The following INAVA variants were observed in gnomAD, a reference collection of about 807,000 sequenced individuals.
The protein encoded by INAVA is innate immunity activator protein.
In INAVA, 32 loss-of-function variants were observed where a neutral mutation model predicts 55.3. That is an observed-to-expected ratio of 0.58 (90% CI 0.44 to 0.78). The LOEUF (loss-of-function observed/expected upper bound fraction) is 0.78, where lower values mean the gene tolerates loss of function less well. Among genes scored for constraint, INAVA ranks in the 30% least tolerant of loss-of-function variants. The probability of loss-of-function intolerance (pLI) is 0.00; values close to 1 mark genes in which losing one functional copy is unlikely to be tolerated. For synonymous variants in INAVA, 294 were observed against 329.4 expected, an observed-to-expected ratio of 0.89 and a Z score of 1.16; for missense variants, 756 against 786.4, an observed-to-expected ratio of 0.96 and a Z score of 0.46.
chr1:200,905,295 C>T (rs569728206), intron 5 of INAVA, among the ~76,000 whole-genome samples: 201 of 152,274 alleles, frequency 1.3e-3, no homozygotes, highest in African/African-American at 4.8e-3. Flanking sequence ...CTTGTAATCC[C>T]AGCACTTTGG....
rs562833243 is a variant in INAVA, at chr1:200,909,466, C to A, written c.959+69C>A. 3 of 1,346,942 alleles carry A rather than the reference C, an allele frequency of 2.2e-6. No individual in the cohort carries two copies. The East Asian group carries it at 8.4e-5, about 38-fold the overall frequency. The allele number at this position is 1,346,942 out of a possible 1,614,324, so 83.4% of individuals were successfully genotyped here. ...CTTATCGTTGGAGGGTGGGAGCTCC[C>A]AGGACACAGGTGGGACAACCCTGGG... On this transcript the variant is annotated intron_variant, in intron 8 of 9. Transcript: ENST00000413687.
intron 8 of INAVA, among the ~76,000 whole-genome samples, chr1:200,910,592 T>C (rs1367437816): frequency 6.6e-6 from 1 of 152,124 alleles, no homozygotes; most frequent in Non-Finnish European, 1.5e-5. Context: ...AATTTTTAAA[T>C]TTTTTTTGAG....
intron 5 of INAVA, among the ~76,000 whole-genome samples, chr1:200,901,896 C>T (rs986409661): frequency 2.6e-5 from 4 of 152,168 alleles, no homozygotes; most frequent in Admixed American, 6.5e-5. Flanking sequence ...TCAGTGTGTC[C>T]ACCACAGGTT....
In INAVA at chr1:200,909,351, G is replaced by A. The variant is rs755384688; in HGVS notation, c.913G>A (p.Ala305Thr). The A allele has an allele frequency of 6.2e-7, 1 of 1,610,104 alleles. No individual in the cohort carries two copies. The highest frequency in any genetic ancestry group is 8.5e-7 in the Non-Finnish European group (1 of 1,177,990). ...GTGGCAGGGCCGCACCAGTGCCCCA[G>A]CCACCCCTGAGATACAGGGGAGGAG... is the stretch of plus-strand genomic sequence containing the variant. ...GQWQGRTSAP[A>T]TPEIQGRRGQ... Residue 305 changes from alanine (A) to threonine (T), a missense_variant, in exon 8 of 10, where the codon GCC (alanine) becomes ACC (threonine). Physicochemically the swap from Ala to Thr is moderately conservative, Grantham distance 58. Around this residue, in one of 2 missense-constraint regions of INAVA, gnomAD observed 639 missense variants for 624.3 expected, o/e 1.02. Transcript: ENST00000413687.
Position 200,912,002 on chromosome 1 carries a change from G to A in INAVA, c.1509G>A (p.Glu503=), listed in dbSNP as rs1653765844. ...RGLSKAAVSE[E]LKWWHERARL... ...TCAGCAAGGCCGCCGTGTCCGAGGAGCTCAAGTGGTGGCACGAGCGTGCAC... is the reference window on the plus strand; with the variant it reads ...TCAGCAAGGCCGCCGTGTCCGAGGAACTCAAGTGGTGGCACGAGCGTGCAC... The change falls in exon 9 of 10, where the codon GAG becomes GAA. Residue 503 remains glutamate, a synonymous_variant. Coordinates refer to ENST00000413687, the MANE Select transcript of INAVA (RefSeq NM_001142569.3). 6.5e-7 allele frequency: 1 copy of A among 1,535,320 alleles called. No homozygotes were observed. The highest frequency in any genetic ancestry group is 8.7e-7 in the Non-Finnish European group (1 of 1,144,228).
In INAVA at chr1:200,908,956, A is replaced by G. The variant is rs1653606863; in HGVS notation, c.785+16A>G. ...GCGAGTCCAGGTCAGGATCAGGGGG[A>G]AGGGAGAAGGGCAGGGCAGGGCAGG... On this transcript the variant is annotated intron_variant, in intron 7 of 9. Transcript: ENST00000413687. 6.2e-7 allele frequency: 1 copy of G among 1,606,796 alleles called. No homozygotes were observed. Among genetic ancestry groups the G allele is most frequent in the Non-Finnish European group, 8.5e-7 (1 of 1,176,542 alleles).
At position 200,913,208 on chromosome 1, in the gene INAVA, G is replaced by A. The variant is rs144985148; in HGVS notation, c.1645-329G>A. On this transcript the variant is annotated intron_variant, in intron 9 of 9. Transcript: ENST00000413687. ...CTGACGTGCTTTTCCCTTTCTGCGC[G>A]CTTGGGCCTGTCCTTGGCTGGATAG... Among the ~76,000 whole-genome samples the A allele has an allele frequency of 9.8e-4, 150 of 152,318 alleles. 1 individual carries two copies. Among genetic ancestry groups the A allele is most frequent in the Non-Finnish European group, 4.6e-4 (31 of 68,030 alleles).
intron 1 of INAVA, 58 bp from the exon 2 acceptor site, chr1:200,898,249 T>G: frequency 6.4e-7 from 1 of 1,569,044 alleles, no homozygotes; most frequent in Non-Finnish European, 8.6e-7. Context: ...TTCAGCTTTT[T>G]GTAACCAAGA....
intron 5 of INAVA, among the ~76,000 whole-genome samples, chr1:200,901,494 C>T (rs1025062947): frequency 1.3e-5 from 2 of 152,236 alleles, no homozygotes; most frequent in African/African-American, 2.4e-5. Flanking sequence ...CCAGGCTGGC[C>T]CCGCTGCCCT....
chr1:200,907,825 C>T lies in INAVA; in HGVS notation c.521-9C>T. 1 of 1,608,914 alleles carries T rather than the reference C, an allele frequency of 6.2e-7. No homozygotes were observed. The highest frequency in any genetic ancestry group is 8.5e-7 in the Non-Finnish European group (1 of 1,175,650). On this transcript the variant is annotated splice_polypyrimidine_tract_variant and intron_variant, in intron 5 of 9. Coordinates refer to ENST00000413687, the MANE Select transcript of INAVA (RefSeq NM_001142569.3). The stretch of plus-strand genomic sequence containing the variant: ...CTTCCTTCTCTTCTCTCCCCTTTGT[C>T]TTTCGCAGAGCTCAGTGCCTCTGAT...
rs1303172030 is a variant in INAVA at position 200,915,456 on chromosome 1, G to C, written c.*1827G>C. The C allele has an allele frequency of 6.8e-6, 1 of 147,914 alleles. No homozygotes were observed. The highest frequency in any genetic ancestry group is 1.5e-5 in the Non-Finnish European group (1 of 67,140). 9.2% of individuals were successfully genotyped at this position (147,914 alleles called of 1,614,324 possible). ...CCCCCATGCGTGAATACCCTGCTTG[G>C]ATGCTGTGCTTTTCCGGTTTGTCTC... On this transcript the variant is annotated 3_prime_UTR_variant, in exon 10 of 10. Coordinates refer to ENST00000413687, the MANE Select transcript of INAVA (RefSeq NM_001142569.3).
intron 6 of INAVA, 54 bp from the exon 7 acceptor site, chr1:200,908,676 G>C (rs2102313194): frequency 6.9e-7 from 1 of 1,458,416 alleles, no homozygotes; most frequent in Non-Finnish European, 9.2e-7. Context: ...GGAGGTTCTT[G>C]TTGGGCCGGT....
At position 200,900,171 on chromosome 1, in the gene INAVA, G is replaced by A. The variant is rs1189215696; in HGVS notation, c.248G>A (p.Arg83His). ...KPGEKAPKVRRRIGAAYKLDD... is the reference protein window; with the variant it reads ...KPGEKAPKVRHRIGAAYKLDD... ...GGGGAAAAGGCCCCCAAGGTTCGCC[G>A]CAGGATCGGAGCGGCTTACAAACTG... is the stretch of plus-strand genomic sequence containing the variant. Residue 83 changes from arginine (R) to histidine (H), a missense_variant, in exon 4 of 10, where the codon CGC becomes CAC. This residue lies in a region of INAVA where 639 missense variants were observed against 624.3 expected (regional missense o/e 1.02). Transcript: ENST00000413687. The A allele has an allele frequency of 1.5e-5, 24 of 1,614,036 alleles. No homozygotes were observed. Among genetic ancestry groups the A allele is most frequent in the Middle Eastern group, 1.6e-4 (1 of 6,082 alleles).
At chr1:200,902,085 G>T (rs953550657) in intron 5 of INAVA, among the ~76,000 whole-genome samples, 1 of 152,164 alleles carries the variant, frequency 6.6e-6, no homozygotes, top group Non-Finnish European at 1.5e-5. Context: ...GGCTGCCTCA[G>T]AGGGAACCGG....
In INAVA at chr1:200,894,938, G is replaced by A. The variant is rs1482555676; in HGVS notation, c.-244G>A. On this transcript the variant is annotated 5_prime_UTR_variant, in exon 1 of 10. Coordinates refer to ENST00000413687, the MANE Select transcript of INAVA (RefSeq NM_001142569.3). ...GGACGGCAAGGTAGGCAGGTGAGCCGAGACGGACGGACGGCCAGCAGCTCC... is the reference window on the plus strand; with the variant it reads ...GGACGGCAAGGTAGGCAGGTGAGCCAAGACGGACGGACGGCCAGCAGCTCC... 8.1e-6 allele frequency: 8 copies of A among 985,798 alleles called. No individual in the cohort carries two copies. Among genetic ancestry groups the A allele is most frequent in the East Asian group, 1.1e-4 (1 of 8,906 alleles). 61.1% of individuals were successfully genotyped at this position (985,798 alleles called of 1,614,324 possible).
chr1:200,900,068 T>C lies in INAVA; in HGVS notation c.181-36T>C, dbSNP rs755692764. On this transcript the variant is annotated intron_variant, in intron 3 of 9. Transcript: ENST00000413687. ...GGCCAGTGAGCCAAGTCTGGGCAGG[T>C]GGAGAGGACCTGGCTGGTCTCTGCT... 6 of 1,559,734 alleles carry C rather than the reference T, an allele frequency of 3.8e-6. No individual in the cohort carries two copies. The South Asian group carries it at 6.9e-5, about 18-fold the overall frequency.
chr1:200,900,798 A>G, intron 4 of INAVA, 139 bp from the exon 5 acceptor site: 1 of 608,176 alleles, frequency 1.6e-6, no homozygotes, highest in East Asian at 3.0e-5. Flanking sequence ...ACGTCCGTCC[A>G]TTGGTGCTGC....
chr1:200,910,075 A>C (rs1028322767), intron 8 of INAVA, among the ~76,000 whole-genome samples: 2 of 152,182 alleles, frequency 1.3e-5, no homozygotes, highest in African/African-American at 4.8e-5. Flanking sequence ...AGTAGACAGC[A>C]CTTTGGCACT....
intron 8 of INAVA, among the ~76,000 whole-genome samples, chr1:200,911,081 TTTAAAAAAAGTACTTAATGTAGTAC>T (rs1259445257): frequency 1.1e-5 from 1 of 87,444 alleles, no homozygotes; most frequent in African/African-American, 3.0e-5. Flanking sequence ...AATGTAGTAC[TTTAAAAAAAGTACTTAATGTAGTAC>T]TTTAAAAAAG....
Sources: allele counts gnomAD v4.1 joint callset (sites outside exome capture counted in the v4.1 genomes callset), GRCh38; gene constraint gnomAD v4.1.1; regional missense constraint gnomAD v4.1.1; transcripts MANE v1.5; gene names NCBI Gene and HGNC (gene_info 2026-07-23, HGNC 2026-07-21).